SLCO3A1: variants seen among roughly 807,000 people sequenced by gnomAD.
SLCO3A1 encodes the protein PGE1 transporter.
A neutral mutation model predicts 63.1 loss-of-function variants in SLCO3A1; 27 were observed. That is an observed-to-expected ratio of 0.43 (90% CI 0.32 to 0.59). The LOEUF (loss-of-function observed/expected upper bound fraction) is 0.59. SLCO3A1 is among the 20% of genes least tolerant of loss of function. SLCO3A1 has a pLI of 0.09. For missense variants in SLCO3A1, 773 were observed against 945.8 expected, an observed-to-expected ratio of 0.82 and a Z score of 2.40; for synonymous variants, 473 against 409.9, an observed-to-expected ratio of 1.15 and a Z score of -1.86.
chr15:92,166,374 G>A (rs1186142141), downstream of SLCO3A1, among the ~76,000 whole-genome samples: 1 of 152,182 alleles, frequency 6.6e-6, no homozygotes, highest in Non-Finnish European at 1.5e-5. Flanking sequence ...ATTTGACAGG[G>A]TTGCTAACGT....
intron 7 of SLCO3A1, among the ~76,000 whole-genome samples, chr15:92,140,526 G>A (rs1405432576): frequency 6.6e-6 from 1 of 151,982 alleles, no homozygotes; most frequent in African/African-American, 2.4e-5. Flanking sequence ...CAATTCCTGG[G>A]TATCCTTGTT....
intron 2 of SLCO3A1, among the ~76,000 whole-genome samples, chr15:91,944,285 G>C (rs1169086670): frequency 1.3e-5 from 2 of 152,076 alleles, no homozygotes; most frequent in Non-Finnish European, 2.9e-5. Context: ...AGGTCTCCAG[G>C]GCTCCCCCTT....
intron 2 of SLCO3A1, among the ~76,000 whole-genome samples, chr15:92,094,165 G>A (rs1345549241): frequency 6.6e-6 from 1 of 152,286 alleles, no homozygotes. Context: ...ACCAGGTATT[G>A]TATCGATCAG....
At chr15:92,116,858 C>G (rs1246506355) in intron 4 of SLCO3A1, among the ~76,000 whole-genome samples, 2 of 152,026 alleles carry the variant, frequency 1.3e-5, no homozygotes, top group African/African-American at 4.8e-5. Context: ...CAAGAGGAAA[C>G]TGTCATTTCT....
At chr15:92,009,124 T>A (rs2046342989) in intron 2 of SLCO3A1, among the ~76,000 whole-genome samples, 1 of 152,202 alleles carries the variant, frequency 6.6e-6, no homozygotes, top group South Asian at 2.1e-4. Flanking sequence ...ATCATCCAAG[T>A]CAAGGTCAAG....
At chr15:92,030,475 C>T (rs12101806) in intron 2 of SLCO3A1, among the ~76,000 whole-genome samples, 2,652 of 152,270 alleles carry the variant, frequency 0.017, 76 homozygotes, top group African/African-American at 0.061. Flanking sequence ...ACAGCCATTA[C>T]TATGCCGTCT....
At chr15:92,037,473 T>C (rs2046742742) in intron 2 of SLCO3A1, among the ~76,000 whole-genome samples, 1 of 152,220 alleles carries the variant, frequency 6.6e-6, no homozygotes, top group South Asian at 2.1e-4. Context: ...AATGAAGTCA[T>C]GTGTCCATAT....
rs1379698237 is a variant in SLCO3A1, at chr15:92,164,120, T to A, written c.*985T>A. On this transcript the variant is annotated 3_prime_UTR_variant, in exon 10 of 10. Transcript: ENST00000318445. ...TATTTTTAACTACTTCTAAAATCTG[T>A]GTTAACCCTTCAAGTCACTAACACA... 1 of 981,132 alleles carries A rather than the reference T, an allele frequency of 1.0e-6. No individual in the cohort carries two copies. The highest frequency in any genetic ancestry group is 1.2e-6 in the Non-Finnish European group (1 of 826,092). 60.8% of individuals were successfully genotyped at this position (981,132 alleles called of 1,614,324 possible).
At chr15:92,134,833 C>T (rs2048036744) in intron 7 of SLCO3A1, among the ~76,000 whole-genome samples, 1 of 151,824 alleles carries the variant, frequency 6.6e-6, no homozygotes, top group South Asian at 2.1e-4. Flanking sequence ...GTAGACAAAT[C>T]AGTGAACTTG....
intron 8 of SLCO3A1, chr15:92,148,748 A>G (rs2048264491): frequency 6.6e-6 from 1 of 152,226 alleles, no homozygotes; most frequent in African/African-American, 2.4e-5. Flanking sequence ...AAAAAGAAAG[A>G]GCTCAATGCA....
chr15:91,966,992 A>AT (rs879943866), intron 2 of SLCO3A1, among the ~76,000 whole-genome samples: 1,601 of 147,206 alleles, frequency 0.011, 27 homozygotes, highest in African/African-American at 0.036. Context: ...TTTTTTGGGG[A>AT]TTTTTTTTTT....
intron 2 of SLCO3A1, among the ~76,000 whole-genome samples, chr15:92,056,430 A>G (rs1408322913): frequency 1.3e-5 from 2 of 152,172 alleles, no homozygotes; most frequent in Non-Finnish European, 2.9e-5. Flanking sequence ...AGGGCAAATA[A>G]CTTCGCTTAG....
intron 2 of SLCO3A1, among the ~76,000 whole-genome samples, chr15:92,057,612 G>A (rs7164807): frequency 0.65 from 99,471 of 152,038 alleles, 33,168 homozygotes; most frequent in Admixed American, 0.79. Flanking sequence ...CTTTGGGGAT[G>A]GAGAATCCAG....
Position 91,941,263 on chromosome 15 carries a change from G to A in SLCO3A1, c.646+24805G>A, listed in dbSNP as rs183883811. 1 of 245,364 alleles carries A rather than the reference G, an allele frequency of 4.1e-6. No individual in the cohort carries two copies. Among genetic ancestry groups the A allele is most frequent in the African/African-American group, 2.3e-5 (1 of 43,846 alleles). The allele number at this position is 245,364 out of a possible 1,614,324, so 15.2% of individuals were successfully genotyped here. On this transcript the variant is annotated intron_variant, in intron 2 of 9. Coordinates refer to ENST00000318445, the MANE Select transcript of SLCO3A1 (RefSeq NM_013272.4). This position sits in a 1 kb window ranked among gnomAD's most constrained non-coding sequence, Gnocchi z 4.4. Reference sequence around the variant, plus strand: ...TCTCCTGAGAAGGGAATGTGAGCTGGTTTAGGTGTGTTGGGGCAGGGCGGG... The same window carrying A: ...TCTCCTGAGAAGGGAATGTGAGCTGATTTAGGTGTGTTGGGGCAGGGCGGG...
At chr15:92,053,696 G>GTTT (rs56305523) in intron 2 of SLCO3A1, among the ~76,000 whole-genome samples, 40 of 23,938 alleles carry the variant, frequency 1.7e-3, no homozygotes, top group African/African-American at 2.3e-3. Context: ...TTGTTTGTTT[G>GTTT]TTTTTTTTTT....
At chr15:91,857,124 A>G (rs1479635766) in intron 1 of SLCO3A1, among the ~76,000 whole-genome samples, 3 of 150,566 alleles carry the variant, frequency 2.0e-5, no homozygotes, top group Non-Finnish European at 1.5e-5. Flanking sequence ...GTATGTATGC[A>G]TGTGTTTGTT....
intron 2 of SLCO3A1, among the ~76,000 whole-genome samples, chr15:92,030,294 A>G (rs1377858471): frequency 6.6e-6 from 1 of 152,184 alleles, no homozygotes; most frequent in East Asian, 1.9e-4. Flanking sequence ...GATGAATACC[A>G]AGAGAAAAGA....
At chr15:92,155,020 G>A (rs531032064) in intron 9 of SLCO3A1, among the ~76,000 whole-genome samples, 57 of 152,334 alleles carry the variant, frequency 3.7e-4, no homozygotes, top group African/African-American at 1.2e-3. Flanking sequence ...GGTCAAGAGC[G>A]TGGATGTTGA....
Position 92,163,819 on chromosome 15 carries a change from G to T in SLCO3A1, c.*684G>T. On this transcript the variant is annotated 3_prime_UTR_variant, in exon 10 of 10. Transcript: ENST00000318445. ...AGTTTGTAATTGGCACCTCTCACCA[G>T]CTCCATTTCCATGTTCAAGACTGAG... 1.0e-6 allele frequency: 1 copy of T among 985,490 alleles called. No homozygotes were observed. The highest frequency in any genetic ancestry group is 1.2e-6 in the Non-Finnish European group (1 of 830,000). 61.0% of individuals were successfully genotyped at this position (985,490 alleles called of 1,614,324 possible).
Sources: gnomAD v4.1 joint callset for allele counts (sites outside exome capture counted in the v4.1 genomes callset) on GRCh38, gnomAD v4.1.1 for gene constraint, Gnocchi (gnomAD v3.1) non-coding constraint, MANE v1.5 for transcripts, NCBI Gene and HGNC (gene_info 2026-07-23, HGNC 2026-07-21) for gene names.